The following PALLD variants were observed in gnomAD, a reference collection of about 807,000 sequenced individuals.
PALLD encodes the protein palladin, cytoskeletal associated protein.
A neutral mutation model predicts 123.5 loss-of-function variants in PALLD; 61 were observed. The ratio of observed to expected loss-of-function variants is 0.49; its 90% CI spans 0.40 to 0.61. PALLD has a LOEUF of 0.61. PALLD is among the 20% of genes least tolerant of loss of function. The pLI is 0.00. For synonymous variants in PALLD, 465 were observed against 496.4 expected (o/e 0.94, Z 0.84); for missense variants, 1,273 against 1,377.0 (o/e 0.92, Z 1.20).
At chr4:168,843,560 A>G (rs773200685) in intron 10 of PALLD, among the ~76,000 whole-genome samples, 1 of 152,126 alleles carries the variant, frequency 6.6e-6, no homozygotes, top group Non-Finnish European at 1.5e-5. Context: ...AAGTTTTCCA[A>G]TTGTAGTTTT....
At chr4:168,593,590 G>A (rs1771675947) in intron 2 of PALLD, among the ~76,000 whole-genome samples, 1 of 152,162 alleles carries the variant, frequency 6.6e-6, no homozygotes, top group African/African-American at 2.4e-5. Context: ...GGAGGAAGAT[G>A]CCAAAAAGCA....
At chr4:168,847,849 C>T (rs1199291571) in intron 10 of PALLD, among the ~76,000 whole-genome samples, 1 of 151,794 alleles carries the variant, frequency 6.6e-6, no homozygotes. Flanking sequence ...ACTTCAGTTT[C>T]TCACAATGAA....
chr4:168,593,113 T>C (rs1309219696), intron 2 of PALLD, among the ~76,000 whole-genome samples: 3 of 152,158 alleles, frequency 2.0e-5, no homozygotes, highest in Admixed American at 6.5e-5. Flanking sequence ...TAATCTTCTA[T>C]ATAAATTTTA....
At chr4:168,794,290 CCTG>C (rs1738083281) in intron 10 of PALLD, among the ~76,000 whole-genome samples, 1 of 152,188 alleles carries the variant, frequency 6.6e-6, no homozygotes. Context: ...CCCTCTCCCA[CCTG>C]CCTGAAATTC....
At chr4:168,801,382 G>A (rs1331939725) in intron 10 of PALLD, among the ~76,000 whole-genome samples, 1 of 152,140 alleles carries the variant, frequency 6.6e-6, no homozygotes, top group African/African-American at 2.4e-5. Flanking sequence ...GGGTTCAAGC[G>A]ATTTTCCTGC....
chr4:168,777,630 G>A (rs1241335837), intron 10 of PALLD, among the ~76,000 whole-genome samples: 1 of 152,204 alleles, frequency 6.6e-6, no homozygotes, highest in Admixed American at 6.5e-5. Context: ...GGCTAGACTA[G>A]AGAGGCTGTT....
chr4:168,580,714 G>A (rs1470296249), intron 2 of PALLD, among the ~76,000 whole-genome samples: 1 of 151,978 alleles, frequency 6.6e-6, no homozygotes, highest in Non-Finnish European at 1.5e-5. Context: ...CAAAAACATG[G>A]AATCAACCTA....
In PALLD at chr4:168,502,494, T is replaced by C. The variant is rs562730829; in HGVS notation, c.-83+5300T>C. On this transcript the variant is annotated intron_variant, in intron 1 of 21. Coordinates refer to ENST00000505667, the MANE Select transcript of PALLD (RefSeq NM_001166108.2). The stretch of plus-strand genomic sequence containing the variant: ...TGTAGACACAAACAGTTATGTGTTA[T>C]ATGTATACACTAACATTTAGCACTG... Among the ~76,000 whole-genome samples, 19 of 152,376 alleles carry C rather than the reference T, an allele frequency of 1.2e-4. No individual in the cohort carries two copies. In the South Asian group the frequency reaches 3.3e-3, roughly 27 times the overall value.
At chr4:168,810,676 C>T (rs1257288455) in intron 10 of PALLD, among the ~76,000 whole-genome samples, 2 of 151,516 alleles carry the variant, frequency 1.3e-5, no homozygotes, top group Admixed American at 6.6e-5. Flanking sequence ...GGCGTGGTGG[C>T]TCACGCCTGT....
At chr4:168,625,388 A>G (rs1775136238) in intron 2 of PALLD, among the ~76,000 whole-genome samples, 1 of 151,744 alleles carries the variant, frequency 6.6e-6, no homozygotes, top group Non-Finnish European at 1.5e-5. Flanking sequence ...GGCTATATCA[A>G]ACTTAAAAAC....
intron 2 of PALLD, among the ~76,000 whole-genome samples, chr4:168,548,982 C>A (rs894128563): frequency 1.7e-4 from 26 of 151,680 alleles, no homozygotes; most frequent in African/African-American, 6.1e-4. Flanking sequence ...GACTGTGCCA[C>A]TGCAATCCAG....
chr4:168,760,851 T>C (rs574168960), intron 10 of PALLD, among the ~76,000 whole-genome samples: 3 of 152,370 alleles, frequency 2.0e-5, no homozygotes, highest in African/African-American at 7.2e-5. Flanking sequence ...AAAATCTATT[T>C]TGATGTCAAA....
chr4:168,502,182 T>C (rs967424354), intron 1 of PALLD, among the ~76,000 whole-genome samples: 15 of 152,234 alleles, frequency 9.9e-5, no homozygotes, highest in South Asian at 2.1e-4. Context: ...AAATAAATTT[T>C]TTTTTTAGCT....
chr4:168,746,609 C>G (rs563893834), intron 10 of PALLD, among the ~76,000 whole-genome samples: 2 of 151,934 alleles, frequency 1.3e-5, no homozygotes, highest in African/African-American at 2.4e-5. Flanking sequence ...GGTTAACTTA[C>G]GAGTACTGTA....
intron 2 of PALLD, among the ~76,000 whole-genome samples, chr4:168,564,184 T>A (rs56120706): frequency 0.13 from 20,175 of 152,230 alleles, 1,767 homozygotes; most frequent in South Asian, 0.21. Context: ...ACTCAACAGT[T>A]ACTGAGATAC....
At chr4:168,849,751 A>C (rs1022449344) in intron 10 of PALLD, among the ~76,000 whole-genome samples, 1 of 39,726 alleles carries the variant, frequency 2.5e-5, no homozygotes, top group African/African-American at 6.3e-5. Context: ...CCCATTTTTA[A>C]AGCAAAAAAA....
chr4:168,506,142 G>C (rs904983683), intron 1 of PALLD: 6 of 152,250 alleles, frequency 3.9e-5, no homozygotes, highest in African/African-American at 1.4e-4. Flanking sequence ...CTCTGGTGGA[G>C]AGAATTGCAC....
intron 10 of PALLD, among the ~76,000 whole-genome samples, chr4:168,737,972 G>A (rs6843294): frequency 0.55 from 83,772 of 152,006 alleles, 23,318 homozygotes; most frequent in East Asian, 0.63. Context: ...ACATTTTCTA[G>A]ACTGTGAAGT....
chr4:168,513,336 G>A (rs17054280), intron 2 of PALLD, among the ~76,000 whole-genome samples: 44,603 of 152,066 alleles, frequency 0.29, 6,679 homozygotes, highest in Non-Finnish European at 0.33. Context: ...TAACAGTGAA[G>A]GGAGTATGCA....
Sources: allele counts gnomAD v4.1 joint callset (sites outside exome capture counted in the v4.1 genomes callset), GRCh38; gene constraint gnomAD v4.1.1; transcripts MANE v1.5; gene names NCBI Gene and HGNC (gene_info 2026-07-23, HGNC 2026-07-21).